Variants in MRTFB observed in about 807,000 individuals in gnomAD.
The protein encoded by MRTFB is myocardin-related transcription factor B.
Under a neutral mutation model 104.2 loss-of-function variants are expected in MRTFB, and 29 were observed. The ratio of observed to expected loss-of-function variants is 0.28; its 90% CI spans 0.21 to 0.38. MRTFB has a LOEUF of 0.38. MRTFB is among the 10% of genes least tolerant of loss of function. The pLI is 1.00. For missense variants in MRTFB, 1,270 were observed against 1,341.6 expected (o/e 0.95, Z 0.83); for synonymous variants, 535 against 519.5 (o/e 1.03, Z -0.41).
At chr16:14,134,453 T>A (rs1360814895) in intron 2 of MRTFB, among the ~76,000 whole-genome samples, 1 of 152,260 alleles carries the variant, frequency 6.6e-6, no homozygotes, top group Non-Finnish European at 1.5e-5. Flanking sequence ...ATTCCAGTCA[T>A]GCTTTCAGCA....
At chr16:14,239,362 ATTC>A (rs2042662341) in intron 9 of MRTFB, among the ~76,000 whole-genome samples, 1 of 152,260 alleles carries the variant, frequency 6.6e-6, no homozygotes, top group Non-Finnish European at 1.5e-5. Flanking sequence ...GTTTTGTTTT[ATTC>A]TTCTTTGGTT....
chr16:13,995,852 C>A, the MRTFB span, among the ~76,000 whole-genome samples: 1 of 152,154 alleles, frequency 6.6e-6, no homozygotes, highest in African/African-American at 2.4e-5. Flanking sequence ...CCAATCACCT[C>A]CCTCCAGACC....
At chr16:14,102,789 T>G (rs2035768490) in intron 2 of MRTFB, among the ~76,000 whole-genome samples, 1 of 152,228 alleles carries the variant, frequency 6.6e-6, no homozygotes, top group South Asian at 2.1e-4. Flanking sequence ...TTACATGCCT[T>G]GGAGTTTAAT....
At chr16:14,068,443 G>C (rs1012959889), upstream of MRTFB, among the ~76,000 whole-genome samples, 3 of 152,144 alleles carry the variant, frequency 2.0e-5, no homozygotes, top group African/African-American at 7.2e-5. Context: ...GTTTCATAAA[G>C]ATAAAGGCTT....
At chr16:14,216,600 C>A (rs189051601) in intron 6 of MRTFB, among the ~76,000 whole-genome samples, 78 of 152,006 alleles carry the variant, frequency 5.1e-4, no homozygotes, top group African/African-American at 1.7e-3. Context: ...CAGAAATAAA[C>A]CCAAATTCTT....
chr16:14,062,817 A>G, the MRTFB span, among the ~76,000 whole-genome samples: 35,346 of 151,964 alleles, frequency 0.23, 7,778 homozygotes, highest in African/African-American at 0.57. Context: ...GCGCCATGAA[A>G]CATCAGTGCC....
At chr16:14,213,265 AAAAACTATCTTC>A (rs1365257267) in intron 5 of MRTFB, among the ~76,000 whole-genome samples, 1 of 152,238 alleles carries the variant, frequency 6.6e-6, no homozygotes, top group African/African-American at 2.4e-5. Context: ...ATGTTTATTA[AAAAACTATCTTC>A]AAAACACGAC....
At chr16:14,181,260 G>T (rs931073699) in intron 3 of MRTFB, among the ~76,000 whole-genome samples, 1 of 152,018 alleles carries the variant, frequency 6.6e-6, no homozygotes, top group Non-Finnish European at 1.5e-5. Context: ...CAGTCTAAAG[G>T]TATAGTATTT....
At chr16:14,114,272 A>G (rs1390724832) in intron 2 of MRTFB, among the ~76,000 whole-genome samples, 1 of 152,168 alleles carries the variant, frequency 6.6e-6, no homozygotes, top group Non-Finnish European at 1.5e-5. Context: ...TGATGACCTA[A>G]TTTTTTATTT....
chr16:13,999,509 A>G, the MRTFB span, among the ~76,000 whole-genome samples: 3 of 151,942 alleles, frequency 2.0e-5, no homozygotes, highest in Admixed American at 2.0e-4. Context: ...GCAAAAAAAA[A>G]AAAAAGAAAG....
At chr16:14,134,223 TAA>T (rs1027061025) in intron 2 of MRTFB, among the ~76,000 whole-genome samples, 2 of 152,244 alleles carry the variant, frequency 1.3e-5, no homozygotes, top group African/African-American at 4.8e-5. Context: ...GAATGTTATA[TAA>T]CTTTTTCTAT....
At chr16:14,079,556 G>C (rs565667572) in intron 2 of MRTFB, among the ~76,000 whole-genome samples, 1 of 151,998 alleles carries the variant, frequency 6.6e-6, no homozygotes. Context: ...CAACCTCTTC[G>C]AATCTAATCT....
intron 2 of MRTFB, among the ~76,000 whole-genome samples, chr16:14,100,023 A>C (rs1205936695): frequency 6.6e-6 from 1 of 152,134 alleles, no homozygotes; most frequent in East Asian, 1.9e-4. Flanking sequence ...TTGGATTTTC[A>C]TAATCATGTT....
At position 14,234,134 on chromosome 16, in the gene MRTFB, C is replaced by G. The variant is rs753558005; in HGVS notation, c.694-12C>G. The stretch of plus-strand genomic sequence containing the variant: ...ATTTCACAGACTTGTTCCTTTTTGC[C>G]TTTTCCACCAGTTTGCTTCAGTGTC... On this transcript the variant is annotated splice_polypyrimidine_tract_variant and intron_variant, in intron 8 of 16. Transcript: ENST00000571589. The G allele has an allele frequency of 6.2e-7, 1 of 1,603,308 alleles. No homozygotes were observed. Among genetic ancestry groups the G allele is most frequent in the Non-Finnish European group, 8.5e-7 (1 of 1,175,576 alleles).
chr16:14,059,390 TGGAA>T, the MRTFB span, among the ~76,000 whole-genome samples: 2 of 152,120 alleles, frequency 1.3e-5, no homozygotes, highest in Non-Finnish European at 2.9e-5. Flanking sequence ...CCCCGCTACC[TGGAA>T]GGGTCTGCCT....
chr16:14,213,917 G>A (rs1386022100), intron 6 of MRTFB, among the ~76,000 whole-genome samples: 1 of 152,126 alleles, frequency 6.6e-6, no homozygotes, highest in Non-Finnish European at 1.5e-5. Flanking sequence ...TATCAGTGAG[G>A]GACATGTATC....
intron 13 of MRTFB, among the ~76,000 whole-genome samples, chr16:14,250,223 A>T (rs1180240835): frequency 1.3e-5 from 2 of 152,248 alleles, no homozygotes; most frequent in African/African-American, 4.8e-5. Flanking sequence ...GTATATTTAC[A>T]GAACTCATCA....
At chr16:14,257,330 GA>G (rs2043539295) in intron 15 of MRTFB, among the ~76,000 whole-genome samples, 1 of 151,972 alleles carries the variant, frequency 6.6e-6, no homozygotes, top group African/African-American at 2.4e-5. Flanking sequence ...CCAAAAATTG[GA>G]AACCCAAATG....
At chr16:14,085,116 A>C (rs1313787683) in intron 2 of MRTFB, among the ~76,000 whole-genome samples, 2 of 152,162 alleles carry the variant, frequency 1.3e-5, no homozygotes, top group Non-Finnish European at 2.9e-5. Flanking sequence ...TCATCTCTTA[A>C]AGAAAAAAAA....
Sources: gnomAD v4.1 joint callset for allele counts (sites outside exome capture counted in the v4.1 genomes callset) on GRCh38, gnomAD v4.1.1 for gene constraint, MANE v1.5 for transcripts, NCBI Gene and HGNC (gene_info 2026-07-23, HGNC 2026-07-21) for gene names.